Variants in TTC28 observed in about 807,000 individuals in gnomAD.
The protein encoded by TTC28 is tetratricopeptide repeat protein 28.
Under a neutral mutation model 198.0 loss-of-function variants are expected in TTC28, and 61 were observed. The ratio of observed to expected loss-of-function variants is 0.31; its 90% CI spans 0.25 to 0.38. TTC28 has a LOEUF of 0.38. Among genes scored for constraint, TTC28 ranks in the 10% least tolerant of loss-of-function variants. TTC28 has a pLI of 1.00. For missense variants in TTC28, 2,678 were observed against 3,164.0 expected (o/e 0.85, Z 3.69); for synonymous variants, 1,171 against 1,297.8 (o/e 0.90, Z 2.10).
At chr22:28,048,286 A>G (rs933037212) in intron 12 of TTC28, among the ~76,000 whole-genome samples, 1 of 152,108 alleles carries the variant, frequency 6.6e-6, no homozygotes, top group African/African-American at 2.4e-5. Flanking sequence ...TGCCCTCAGA[A>G]GTTCTCAGCC....
chr22:28,409,095 G>T (rs1343773637), intron 2 of TTC28, among the ~76,000 whole-genome samples: 3 of 152,104 alleles, frequency 2.0e-5, no homozygotes, highest in Admixed American at 6.5e-5. Context: ...TTCAAAATGT[G>T]GGAGTTTCAC....
chr22:27,985,266 G>T lies in TTC28; in HGVS notation c.5798C>A (p.Ser1933Tyr). Reference protein sequence around the residue: ...NRRTVHFALQSLLSLFDSTEL... With the variant: ...NRRTVHFALQYLLSLFDSTEL... ...GCTCTTACCAAACAGAGACAGCAGG[G>T]ACTGGAGCGCGAAGTGCACAGTCCG... The change falls in exon 22 of 23, where the codon TCC becomes TAC. Residue 1933 changes from serine (S) to tyrosine (Y), a missense_variant. Coordinates refer to ENST00000397906, the MANE Select transcript of TTC28 (RefSeq NM_001145418.2). 3 of 1,551,346 alleles carry T rather than the reference G, an allele frequency of 1.9e-6. No homozygotes were observed. In the South Asian group the frequency reaches 3.6e-5, roughly 18 times the overall value.
intron 2 of TTC28, among the ~76,000 whole-genome samples, chr22:28,376,429 A>C (rs2046409871): frequency 6.6e-6 from 1 of 152,236 alleles, no homozygotes; most frequent in African/African-American, 2.4e-5. Flanking sequence ...GTAAACTTGA[A>C]CATAAGGAGA....
chr22:28,019,064 T>A (rs748070001), intron 13 of TTC28, among the ~76,000 whole-genome samples: 1 of 152,140 alleles, frequency 6.6e-6, no homozygotes, highest in Non-Finnish European at 1.5e-5. Flanking sequence ...TCCCAACAGA[T>A]CAAAACAGCA....
chr22:28,361,134 G>C (rs950967874), intron 2 of TTC28, among the ~76,000 whole-genome samples: 6 of 152,154 alleles, frequency 3.9e-5, no homozygotes, highest in Admixed American at 3.3e-4. Context: ...AAGTGTTCAA[G>C]TGAAAGAAAG....
chr22:28,165,941 A>C (rs1320092190), intron 5 of TTC28, among the ~76,000 whole-genome samples: 1 of 152,162 alleles, frequency 6.6e-6, no homozygotes, highest in Admixed American at 6.5e-5. Flanking sequence ...CCCATCTCAC[A>C]TGCAGAGACA....
intron 2 of TTC28, among the ~76,000 whole-genome samples, chr22:28,464,191 G>A (rs1269073288): frequency 3.3e-5 from 5 of 152,112 alleles, no homozygotes; most frequent in African/African-American, 4.8e-5. Flanking sequence ...GGGAGGAGAC[G>A]TTTACAAAAA....
intron 2 of TTC28, among the ~76,000 whole-genome samples, chr22:28,448,059 A>T (rs2047728321): frequency 6.6e-6 from 1 of 152,202 alleles, no homozygotes; most frequent in African/African-American, 2.4e-5. Flanking sequence ...ATTAGGAATG[A>T]TTTATATAGA....
At chr22:28,002,632 A>G (rs770517132) in intron 14 of TTC28, 4 of 152,166 alleles carry the variant, frequency 2.6e-5, no homozygotes, top group Non-Finnish European at 4.4e-5. Flanking sequence ...TTTAAAAAAA[A>G]TTTCTAGCTC....
chr22:28,184,434 T>C (rs150576682), intron 5 of TTC28, among the ~76,000 whole-genome samples: 3 of 152,312 alleles, frequency 2.0e-5, no homozygotes, highest in Admixed American at 2.0e-4. Flanking sequence ...AGAAATTATT[T>C]GGGCATGCAA....
At chr22:28,319,368 A>G (rs967311481) in intron 2 of TTC28, among the ~76,000 whole-genome samples, 3 of 152,204 alleles carry the variant, frequency 2.0e-5, no homozygotes, top group Non-Finnish European at 2.9e-5. Context: ...CCAAACACCT[A>G]AAGTCAGAAG....
chr22:28,318,735 C>T (rs946123353), intron 2 of TTC28, among the ~76,000 whole-genome samples: 15 of 150,970 alleles, frequency 9.9e-5, no homozygotes, highest in South Asian at 4.2e-4. Flanking sequence ...TTTTGATACA[C>T]GGTACCCTAC....
At chr22:28,494,631 C>G (rs1308756814) in intron 2 of TTC28, among the ~76,000 whole-genome samples, 1 of 152,148 alleles carries the variant, frequency 6.6e-6, no homozygotes, top group Non-Finnish European at 1.5e-5. Context: ...AAGCCCTGTA[C>G]TGATTGCATT....
intron 12 of TTC28, among the ~76,000 whole-genome samples, chr22:28,089,433 A>T (rs1941737131): frequency 6.6e-6 from 1 of 151,186 alleles, no homozygotes; most frequent in African/African-American, 2.4e-5. Flanking sequence ...CAAACACCGC[A>T]TATTCTCACT....
chr22:28,053,123 G>A (rs772950669), intron 12 of TTC28, among the ~76,000 whole-genome samples: 25 of 152,234 alleles, frequency 1.6e-4, no homozygotes, highest in Admixed American at 3.3e-4. Context: ...GTATCGGCAC[G>A]TTGGCCGTAA....
intron 2 of TTC28, among the ~76,000 whole-genome samples, chr22:28,414,187 C>G (rs1441795194): frequency 1.1e-4 from 16 of 152,166 alleles, no homozygotes; most frequent in Admixed American, 1.0e-3. Flanking sequence ...GAAGGCTGTA[C>G]TCTGGCTTGA....
intron 2 of TTC28, among the ~76,000 whole-genome samples, chr22:28,596,289 A>G (rs2050542289): frequency 6.6e-6 from 1 of 152,148 alleles, no homozygotes; most frequent in Non-Finnish European, 1.5e-5. Context: ...GACTGGTTAG[A>G]GTGTAGTGGG....
intron 2 of TTC28, among the ~76,000 whole-genome samples, chr22:28,392,918 C>A (rs2046756572): frequency 7.0e-6 from 1 of 142,808 alleles, no homozygotes; most frequent in Non-Finnish European, 1.5e-5. Context: ...CTCTGTCACC[C>A]AGGCTAGAGT....
chr22:28,423,226 C>T (rs2047289901), intron 2 of TTC28, among the ~76,000 whole-genome samples: 1 of 151,976 alleles, frequency 6.6e-6, no homozygotes, highest in South Asian at 2.1e-4. Flanking sequence ...CCCGTCTCTA[C>T]TAAAAATATA....
Sources: allele counts gnomAD v4.1 joint callset (sites outside exome capture counted in the v4.1 genomes callset), GRCh38; gene constraint gnomAD v4.1.1; transcripts MANE v1.5; gene names NCBI Gene and HGNC (gene_info 2026-07-23, HGNC 2026-07-21).